The following MYO7A variants were observed in gnomAD, a reference collection of about 807,000 sequenced individuals.
The protein encoded by MYO7A is unconventional myosin-VIIa.
In MYO7A, 210 loss-of-function variants were observed where a neutral mutation model predicts 263.8. The ratio of observed to expected loss-of-function variants is 0.80; its 90% CI spans 0.71 to 0.89. The LOEUF (loss-of-function observed/expected upper bound fraction) is 0.89. Ranked by LOEUF, MYO7A falls within the 40% of genes least tolerant of loss-of-function variation. The pLI is 0.00. For missense variants in MYO7A, 2,820 were observed against 2,968.3 expected (o/e 0.95, Z 1.16); for synonymous variants, 1,239 against 1,197.3 (o/e 1.03, Z -0.72).
At chr11:77,156,510 C>T (rs782209102) in intron 5 of MYO7A, 150 bp from the exon 6 acceptor site, 6 of 1,077,914 alleles carry the variant, frequency 5.6e-6, no homozygotes, top group African/African-American at 1.6e-5. Flanking sequence ...AGCACTGGGC[C>T]CTTGAGCCCT....
At chr11:77,207,222 AG>A in intron 41 of MYO7A, 66 bp from the exon 42 acceptor site, 1 of 1,155,532 alleles carries the variant, frequency 8.7e-7, no homozygotes, top group Non-Finnish European at 1.3e-6. Context: ...GCATAGCCAG[AG>A]GGGCCCGGGA....
rs1555062673 is a variant in MYO7A at position 77,156,774 on chromosome 11, T to C, written c.585T>C (p.Ile195=). The C allele has an allele frequency of 6.2e-7, 1 of 1,613,930 alleles. No homozygotes were observed. The part of the protein sequence containing the change: ...IEQQVLEATP[I]LEAFGNAKTI... Reference sequence around the variant, plus strand: ...AGCAGGTCTTGGAGGCCACCCCCATTCTGGAAGGTAGGACCAGAGTTCCGA... The same window carrying C: ...AGCAGGTCTTGGAGGCCACCCCCATCCTGGAAGGTAGGACCAGAGTTCCGA... Residue 195 remains isoleucine, a synonymous_variant, in exon 6 of 49, where the codon ATT becomes ATC. Coordinates refer to ENST00000409709, the MANE Select transcript of MYO7A (RefSeq NM_000260.4).
chr11:77,179,915 A>G lies in MYO7A; in HGVS notation c.2548A>G (p.Met850Val), dbSNP rs568481133. The change falls in exon 21 of 49, where the codon ATG (methionine) becomes GTG (valine). Residue 850 changes from methionine (M) to valine (V), a missense_variant. Coordinates refer to ENST00000409709, the MANE Select transcript of MYO7A (RefSeq NM_000260.4). ...CACCGTGCAGGCCTATGCCCGGGGC[A>G]TGATCGCCCGCAGGCTGCACCAACG... is the stretch of plus-strand genomic sequence containing the variant. Reference protein sequence around the residue: ...VLTVQAYARGMIARRLHQRLR... With the variant: ...VLTVQAYARGVIARRLHQRLR... 7.8e-6 allele frequency: 12 copies of G among 1,534,648 alleles called. No homozygotes were observed. In the South Asian group the frequency reaches 1.4e-4, roughly 18 times the overall value.
intron 16 of MYO7A, among the ~76,000 whole-genome samples, chr11:77,173,538 G>A (rs782386592): frequency 2.6e-5 from 4 of 152,186 alleles, no homozygotes; most frequent in Admixed American, 6.5e-5. Flanking sequence ...GGGACTGGGG[G>A]CTCAGGGAGG....
At position 77,147,937 on chromosome 11, in the gene MYO7A, A is replaced by T; in HGVS notation, c.272A>T (p.Asp91Val). Reference protein sequence around the residue: ...ILRNLLIRYRDHLIYTYTGSI... With the variant: ...ILRNLLIRYRVHLIYTYTGSI... ...CGCAACCTGCTTATCCGCTACCGGG[A>T]CCACCTCATCTACGTGAGTGCCGCC... Residue 91 changes from aspartate to valine, a missense_variant, in exon 4 of 49, where the codon GAC (aspartate) becomes GTC (valine). By Grantham distance (152) the Asp-to-Val change is radical (BLOSUM62 -3). Coordinates refer to ENST00000409709, the MANE Select transcript of MYO7A (RefSeq NM_000260.4). 6.4e-7 allele frequency: 1 copy of T among 1,553,116 alleles called. No homozygotes were observed. Among genetic ancestry groups the T allele is most frequent in the South Asian group, 1.2e-5 (1 of 84,024 alleles).
chr11:77,145,359 C>T (rs1350633382), intron 3 of MYO7A, among the ~76,000 whole-genome samples: 1 of 152,190 alleles, frequency 6.6e-6, no homozygotes, highest in African/African-American at 2.4e-5. Flanking sequence ...ACTCTCATTC[C>T]CATTTCACAG....
At chr11:77,144,450 G>A (rs1404062957) in intron 3 of MYO7A, among the ~76,000 whole-genome samples, 2 of 152,136 alleles carry the variant, frequency 1.3e-5, no homozygotes, top group Non-Finnish European at 1.5e-5. Flanking sequence ...GTCCCCTCCC[G>A]CTTCTCCTCC....
rs568763302 is a variant in MYO7A, at chr11:77,173,251, C to T, written c.1935+366C>T. 7.9e-5 allele frequency among the ~76,000 whole-genome samples: 12 copies of T among 152,344 alleles called. No individual in the cohort carries two copies. The South Asian group carries it at 2.3e-3, about 29-fold the overall frequency. On this transcript the variant is annotated intron_variant, in intron 16 of 48. Transcript: ENST00000409709. The stretch of plus-strand genomic sequence containing the variant: ...AGTAATGCTTGCAGATGCCCACACC[C>T]AGCAAGTGCCCAGTGATTGGCAGCT...
chr11:77,146,936 C>T (rs1340559718), intron 3 of MYO7A, among the ~76,000 whole-genome samples: 1 of 152,056 alleles, frequency 6.6e-6, no homozygotes, highest in Non-Finnish European at 1.5e-5. Context: ...GGTGCACTTC[C>T]CAAATGCTCA....
chr11:77,165,306 C>T (rs1451624000), intron 14 of MYO7A, among the ~76,000 whole-genome samples: 1 of 152,160 alleles, frequency 6.6e-6, no homozygotes, highest in Non-Finnish European at 1.5e-5. Flanking sequence ...CCTTGGACAC[C>T]CCGTCTCTTG....
intron 27 of MYO7A, among the ~76,000 whole-genome samples, chr11:77,187,598 C>T (rs939683754): frequency 3.3e-5 from 5 of 152,212 alleles, no homozygotes; most frequent in Admixed American, 2.0e-4. Context: ...TCCTTCCCCA[C>T]AGGGCCAGGA....
chr11:77,184,233 G>A (rs546039392), intron 26 of MYO7A, among the ~76,000 whole-genome samples: 1 of 152,120 alleles, frequency 6.6e-6, no homozygotes, highest in South Asian at 2.1e-4. Flanking sequence ...GTTGGCGGGG[G>A]CACCCCAGAG....
intron 26 of MYO7A, 118 bp downstream of exon 26, chr11:77,183,275 C>T: frequency 1.2e-6 from 1 of 860,370 alleles, no homozygotes; most frequent in East Asian, 2.7e-5. Flanking sequence ...CACTGTCTGT[C>T]CTCAGGGGTC....
intron 35 of MYO7A, among the ~76,000 whole-genome samples, chr11:77,201,024 C>A (rs1316314408): frequency 4.6e-5 from 7 of 152,218 alleles, no homozygotes; most frequent in Non-Finnish European, 7.3e-5. Context: ...GGAGAGGCCC[C>A]ATGCCGACTG....
rs746774239 is a variant in MYO7A at position 77,199,677 on chromosome 11, A to T, written c.4711A>T (p.Thr1571Ser). ...RGAKTTAPSFTLATIKGDEYT... is the reference protein window; with the variant it reads ...RGAKTTAPSFSLATIKGDEYT... ...AGCGAAAACGACGGCCCCCAGCTTC[A>T]CGCTGGCCACCATCAAGGGGGACGA... The change falls in exon 35 of 49, where the codon ACG becomes TCG. Residue 1571 changes from threonine (T) to serine (S), a missense_variant. Coordinates refer to ENST00000409709, the MANE Select transcript of MYO7A (RefSeq NM_000260.4). The T allele has an allele frequency of 1.2e-5, 20 of 1,613,202 alleles. No homozygotes were observed. The highest frequency in any genetic ancestry group is 1.6e-5 in the Non-Finnish European group (19 of 1,179,808).
chr11:77,144,367 G>A (rs1012826129), intron 3 of MYO7A, among the ~76,000 whole-genome samples: 4 of 152,148 alleles, frequency 2.6e-5, no homozygotes, highest in African/African-American at 7.2e-5. Flanking sequence ...GACTCTGTCT[G>A]CAGGCTTGAG....
chr11:77,198,633 C>A lies in MYO7A; in HGVS notation c.4568+12C>A. 1 of 1,613,358 alleles carries A rather than the reference C, an allele frequency of 6.2e-7. No individual in the cohort carries two copies. The highest frequency in any genetic ancestry group is 1.1e-5 in the South Asian group (1 of 90,994). On this transcript the variant is annotated intron_variant, in intron 34 of 48. Transcript: ENST00000409709. ...GTGTCCAGCAGCAGGTGAGGAGGCC[C>A]GCATGGAGATGCAGACAGACAGAGG...
In MYO7A at chr11:77,180,362, C is replaced by T. The variant is rs186341268; in HGVS notation, c.2587-12C>T. 5.0e-6 allele frequency: 8 copies of T among 1,609,852 alleles called. No individual in the cohort carries two copies. The highest frequency in any genetic ancestry group is 1.7e-5 in the Admixed American group (1 of 59,750). On this transcript the variant is annotated splice_polypyrimidine_tract_variant and intron_variant, in intron 21 of 48. Coordinates refer to ENST00000409709, the MANE Select transcript of MYO7A (RefSeq NM_000260.4). Reference sequence around the variant, plus strand: ...CACATTTCCATGCCCTCTGGATGCCCCCTTCCCTCAGTATCTGTGGCGCCT... The same window carrying T: ...CACATTTCCATGCCCTCTGGATGCCTCCTTCCCTCAGTATCTGTGGCGCCT...
At chr11:77,133,210 C>A (rs1950815993) in intron 2 of MYO7A, among the ~76,000 whole-genome samples, 1 of 152,152 alleles carries the variant, frequency 6.6e-6, no homozygotes, top group Non-Finnish European at 1.5e-5. Context: ...CTCTCATGAA[C>A]ATACAGGGAC....
Sources: gnomAD v4.1 joint callset for allele counts (sites outside exome capture counted in the v4.1 genomes callset) on GRCh38, gnomAD v4.1.1 for gene constraint, MANE v1.5 for transcripts, NCBI Gene and HGNC (gene_info 2026-07-23, HGNC 2026-07-21) for gene names.